Variants in SVEP1 observed in about 807,000 individuals in gnomAD.
SVEP1 encodes the protein sushi, von Willebrand factor type A, EGF and pentraxin domain-containing protein 1.
SVEP1 carries 164 observed loss-of-function variants against 367.3 expected under a neutral mutation model. The ratio of observed to expected loss-of-function variants is 0.45; its 90% CI spans 0.39 to 0.51. The LOEUF is 0.51. SVEP1 is among the 20% of genes least tolerant of loss of function. The pLI is 0.00. For missense variants in SVEP1, 4,117 were observed against 4,425.3 expected (o/e 0.93, Z 1.98); for synonymous variants, 1,666 against 1,611.6 (o/e 1.03, Z -0.81).
chr9:110,397,707 CAG>C (rs1052845356), intron 40 of SVEP1, among the ~76,000 whole-genome samples: 3 of 151,912 alleles, frequency 2.0e-5, no homozygotes, highest in African/African-American at 2.4e-5. Flanking sequence ...ATAAGAGAAA[CAG>C]AGAGCCAAAT....
intron 24 of SVEP1, among the ~76,000 whole-genome samples, chr9:110,448,630 C>T (rs144553232): frequency 2.0e-5 from 3 of 152,334 alleles, no homozygotes; most frequent in Non-Finnish European, 4.4e-5. Flanking sequence ...TTGTCAACAA[C>T]CTATGTTCCT....
intron 46 of SVEP1, among the ~76,000 whole-genome samples, chr9:110,371,151 C>T (rs1827269681): frequency 6.6e-6 from 1 of 152,024 alleles, no homozygotes; most frequent in African/African-American, 2.4e-5. Context: ...CACTTATTAG[C>T]AATCTAATGG....
intron 36 of SVEP1, among the ~76,000 whole-genome samples, chr9:110,425,002 T>G (rs1200243203): frequency 1.3e-5 from 2 of 152,008 alleles, no homozygotes; most frequent in East Asian, 3.8e-4. Flanking sequence ...TTATTTCAAA[T>G]GTTTTGTTAA....
chr9:110,466,484 C>A (rs965673029), intron 17 of SVEP1, among the ~76,000 whole-genome samples: 2 of 152,014 alleles, frequency 1.3e-5, no homozygotes, highest in African/African-American at 4.8e-5. Context: ...GGCGGCCGGG[C>A]ACGGTGGCTC....
chr9:110,409,989 G>A (rs1320361074), intron 37 of SVEP1, among the ~76,000 whole-genome samples: 1 of 151,992 alleles, frequency 6.6e-6, no homozygotes, highest in Non-Finnish European at 1.5e-5. Flanking sequence ...GTGCCAAGCA[G>A]GAGCTCTAGA....
At position 110,369,941 on chromosome 9, in the gene SVEP1, G is replaced by A. The variant is rs17204533; in HGVS notation, c.10676C>T (p.Thr3559Met). The A allele has an allele frequency of 0.16, 254,532 of 1,611,900 alleles. 22,031 individuals carry two copies. Among genetic ancestry groups the A allele is most frequent in the East Asian group, 0.3 (13,351 of 44,794 alleles). ...PNRCHCLSSW[T>M]GHNCSRKRRT... ...ATCTTACCTGGAACAGTTATGTCCC[G>A]TCCAAGAAGAAAGACAGTGACATCG... The change falls in exon 47 of 48, where the codon ACG becomes ATG. Residue 3559 changes from threonine to methionine, a missense_variant. By Grantham distance (81) the Thr-to-Met change is moderately conservative (BLOSUM62 -1). Around this residue, in one of 4 missense-constraint regions of SVEP1, gnomAD observed 1,765 missense variants for 1,781.1 expected, o/e 0.99. Transcript: ENST00000374469.
intron 24 of SVEP1, among the ~76,000 whole-genome samples, chr9:110,447,697 A>G (rs1283991376): frequency 2.6e-5 from 4 of 152,224 alleles, no homozygotes; most frequent in African/African-American, 9.7e-5. Flanking sequence ...TGTCATGAGA[A>G]GTTGAGAGTT....
At chr9:110,554,012 A>T (rs1293607037) in intron 1 of SVEP1, among the ~76,000 whole-genome samples, 2 of 152,150 alleles carry the variant, frequency 1.3e-5, no homozygotes, top group African/African-American at 2.4e-5. Flanking sequence ...TGTGACATAG[A>T]GACTACTTTT....
chr9:110,487,579 T>C (rs917264782), intron 9 of SVEP1, among the ~76,000 whole-genome samples: 6 of 152,254 alleles, frequency 3.9e-5, no homozygotes, highest in Non-Finnish European at 8.8e-5. Context: ...CAGTTTAATA[T>C]ATGTTAGTTA....
At position 110,579,208 on chromosome 9, in the gene SVEP1, G is replaced by T; in HGVS notation, c.336C>A (p.Asp112Glu). ...ELMFVRKLLS[D>E]FPVVPTATRV... ...GCGTGGCCGTGGGCACCACGGGGAA[G>T]TCGGACAGCAGCTTGCGGACGAACA... is the stretch of plus-strand genomic sequence containing the variant. Residue 112 changes from aspartate to glutamate, a missense_variant, in exon 1 of 48, where the codon GAC becomes GAA. By Grantham distance (45) the Asp-to-Glu change is conservative. Transcript: ENST00000374469. This position sits in a 1 kb window ranked among gnomAD's most constrained non-coding sequence, Gnocchi z 5.3. 1 of 1,571,606 alleles carries T rather than the reference G, an allele frequency of 6.4e-7. No homozygotes were observed. Among genetic ancestry groups the T allele is most frequent in the Non-Finnish European group, 8.6e-7 (1 of 1,159,062 alleles).
intron 3 of SVEP1, among the ~76,000 whole-genome samples, chr9:110,545,703 C>T (rs1830211492): frequency 6.6e-6 from 1 of 152,042 alleles, no homozygotes; most frequent in Non-Finnish European, 1.5e-5. Context: ...TTACAAAGAC[C>T]CCAAATCTTT....
In SVEP1 at chr9:110,579,624, AG is replaced by A; in HGVS notation, c.-82del. On this transcript the variant is annotated 5_prime_UTR_variant, in exon 1 of 48. Coordinates refer to ENST00000374469, the MANE Select transcript of SVEP1 (RefSeq NM_153366.4). This position sits in a 1 kb window ranked among gnomAD's most constrained non-coding sequence, Gnocchi z 5.3. ...AGGCGCTGGGCGGCCGGACTCGCAG[AG>A]GGGCGTGCGCGGAGCTGGGCGCGGG... The A allele has an allele frequency of 7.0e-7, 1 of 1,431,046 alleles. No homozygotes were observed. Among genetic ancestry groups the A allele is most frequent in the Non-Finnish European group, 9.1e-7 (1 of 1,099,066 alleles). 88.6% of individuals were successfully genotyped at this position (1,431,046 alleles called of 1,614,324 possible). A position where few individuals can be genotyped will look rare whatever the true frequency, so the allele number is the denominator to read the frequency against.
chr9:110,445,214 G>A (rs1037523064), intron 26 of SVEP1, among the ~76,000 whole-genome samples: 14 of 152,168 alleles, frequency 9.2e-5, no homozygotes, highest in African/African-American at 3.1e-4. Flanking sequence ...GTGGACAGTT[G>A]GCCAACGATG....
intron 1 of SVEP1, among the ~76,000 whole-genome samples, chr9:110,563,741 C>A (rs1388187775): frequency 6.6e-6 from 1 of 152,168 alleles, no homozygotes; most frequent in Non-Finnish European, 1.5e-5. Flanking sequence ...GCCATGGTGG[C>A]TACTTCCTCC....
intron 40 of SVEP1, among the ~76,000 whole-genome samples, chr9:110,390,375 T>TTA (rs1347937751): frequency 1.0e-3 from 46 of 43,958 alleles, no homozygotes; most frequent in South Asian, 3.1e-3. Flanking sequence ...TTATATCTAC[T>TTA]TATATATATA....
intron 7 of SVEP1, 41 bp downstream of exon 7, chr9:110,499,000 T>TA (rs1564159992): frequency 6.4e-7 from 1 of 1,570,848 alleles, no homozygotes; most frequent in South Asian, 1.2e-5. Context: ...ATGGCAATAT[T>TA]AAAAAATTTG....
chr9:110,516,598 A>G (rs1254336992), intron 3 of SVEP1, among the ~76,000 whole-genome samples: 1 of 152,160 alleles, frequency 6.6e-6, no homozygotes, highest in African/African-American at 2.4e-5. Context: ...AGGATCCTCA[A>G]AGAGATAAAG....
intron 8 of SVEP1, 23 bp from the exon 9 acceptor site, chr9:110,489,802 T>C (rs764833327): frequency 6.3e-7 from 1 of 1,589,076 alleles, no homozygotes; most frequent in Non-Finnish European, 8.6e-7. Flanking sequence ...CACAAATATT[T>C]TGAAAGTTAA....
intron 1 of SVEP1, among the ~76,000 whole-genome samples, chr9:110,570,468 G>GTT (rs1491311733): frequency 6.4e-5 from 1 of 15,564 alleles, no homozygotes; most frequent in African/African-American, 6.7e-4. Flanking sequence ...TTTCTGTTGC[G>GTT]TGTGTGTGTG....
Sources: gnomAD v4.1 joint callset for allele counts (sites outside exome capture counted in the v4.1 genomes callset) on GRCh38, gnomAD v4.1.1 for gene constraint, gnomAD v4.1.1 regional missense constraint, Gnocchi (gnomAD v3.1) non-coding constraint, MANE v1.5 for transcripts, NCBI Gene and HGNC (gene_info 2026-07-23, HGNC 2026-07-21) for gene names.